The following USP25 variants were observed in gnomAD, a reference collection of about 807,000 sequenced individuals.
The protein encoded by USP25 is ubiquitin carboxyl-terminal hydrolase 25.
A neutral mutation model predicts 158.5 loss-of-function variants in USP25; 85 were observed. That is an observed-to-expected ratio of 0.54 (90% CI 0.45 to 0.64). The LOEUF (loss-of-function observed/expected upper bound fraction) is 0.64, where lower values mean the gene tolerates loss of function less well. Among genes scored for constraint, USP25 ranks in the 30% least tolerant of loss-of-function variants. The pLI is 0.00. For missense variants in USP25, 1,242 were observed against 1,327.3 expected (o/e 0.94, Z 1.00); for synonymous variants, 464 against 460.4 (o/e 1.01, Z -0.10).
intron 3 of USP25, among the ~76,000 whole-genome samples, chr21:15,775,235 T>G (rs2034571730): frequency 6.6e-6 from 1 of 152,228 alleles, no homozygotes; most frequent in African/African-American, 2.4e-5. Context: ...AAGCTGTAAG[T>G]GTAAGTTGTT....
chr21:15,739,669 C>G (rs761372881), intron 1 of USP25, among the ~76,000 whole-genome samples: 1 of 152,164 alleles, frequency 6.6e-6, no homozygotes, highest in Non-Finnish European at 1.5e-5. Context: ...ATTTTACTCT[C>G]TAATGTCATA....
intron 5 of USP25, among the ~76,000 whole-genome samples, chr21:15,793,773 C>G (rs1218509101): frequency 6.6e-6 from 1 of 151,462 alleles, no homozygotes; most frequent in African/African-American, 2.4e-5. Context: ...AAAAATTTGG[C>G]TAGAGATCAC....
chr21:15,753,391 G>A (rs2033163728), intron 1 of USP25, among the ~76,000 whole-genome samples: 1 of 152,206 alleles, frequency 6.6e-6, no homozygotes, highest in Admixed American at 6.5e-5. Flanking sequence ...TTGTAAACAG[G>A]CCAGTTACTT....
chr21:15,860,953 CAT>C (rs140631215), intron 20 of USP25, among the ~76,000 whole-genome samples: 8,118 of 145,420 alleles, frequency 0.056, 589 homozygotes, highest in African/African-American at 0.16. Context: ...TTGGTATCTT[CAT>C]ATATATATAT....
chr21:15,737,537 A>G (rs1390563384), intron 1 of USP25, among the ~76,000 whole-genome samples: 1 of 152,036 alleles, frequency 6.6e-6, no homozygotes. Context: ...TCCTCTGTTC[A>G]TCTTCCTGTT....
At chr21:15,866,521 T>C (rs888626864) in intron 22 of USP25, among the ~76,000 whole-genome samples, 177 bp downstream of exon 22, 6 of 152,136 alleles carry the variant, frequency 3.9e-5, no homozygotes, top group Admixed American at 3.9e-4. Context: ...AGGATTAACA[T>C]GATATGATAG....
chr21:15,794,577 C>T (rs576614295), intron 5 of USP25, among the ~76,000 whole-genome samples: 230 of 151,660 alleles, frequency 1.5e-3, no homozygotes, highest in African/African-American at 5.2e-3. Flanking sequence ...TCCTTAGCCC[C>T]TTAGCACCTT....
intron 3 of USP25, among the ~76,000 whole-genome samples, chr21:15,774,283 T>C (rs1323265221): frequency 6.6e-6 from 1 of 152,198 alleles, no homozygotes; most frequent in Non-Finnish European, 1.5e-5. Flanking sequence ...TTGAAAAGAT[T>C]TCTTTTTAAA....
At chr21:15,813,766 T>A (rs1305501153) in intron 9 of USP25, among the ~76,000 whole-genome samples, 1 of 151,234 alleles carries the variant, frequency 6.6e-6, no homozygotes, top group Non-Finnish European at 1.5e-5. Flanking sequence ...AGAGAGGAGT[T>A]AGTTTCAACT....
intron 1 of USP25, among the ~76,000 whole-genome samples, chr21:15,733,131 GCCCCCCCCC>G (rs71185504): frequency 1.2e-4 from 1 of 8,134 alleles, no homozygotes; most frequent in Admixed American, 2.8e-3. Flanking sequence ...ACTCCACGGC[GCCCCCCCCC>G]CCCCCCCCAA....
At chr21:15,808,548 G>T (rs2036504165) in intron 7 of USP25, among the ~76,000 whole-genome samples, 1 of 143,054 alleles carries the variant, frequency 7.0e-6, no homozygotes, top group African/African-American at 2.5e-5. Context: ...GTTTTTGATT[G>T]TGTGTGTGTG....
At chr21:15,751,296 G>A (rs2032996469) in intron 1 of USP25, among the ~76,000 whole-genome samples, 1 of 152,126 alleles carries the variant, frequency 6.6e-6, no homozygotes, top group Non-Finnish European at 1.5e-5. Context: ...ATCGTATCTA[G>A]ATGAATGGAG....
Position 15,816,633 on chromosome 21 carries a change from A to G in USP25, c.932-2065A>G, listed in dbSNP as rs538379710. Among the ~76,000 whole-genome samples, 1 of 152,132 alleles carries G rather than the reference A, an allele frequency of 6.6e-6. No homozygotes were observed. Among genetic ancestry groups the G allele is most frequent in the Non-Finnish European group, 1.5e-5 (1 of 68,016 alleles). ...CTTCTTCCTGTCCCATCCCCTAGGC[A>G]TCTCATTCAGTGCCTTAATTTCCTG... On this transcript the variant is annotated intron_variant, in intron 9 of 25. Transcript: ENST00000400183. This position sits in a 1 kb window ranked among gnomAD's most constrained non-coding sequence, Gnocchi z 4.0.
intron 20 of USP25, 122 bp from the exon 21 acceptor site, chr21:15,864,146 T>C: frequency 1.0e-6 from 1 of 992,172 alleles, no homozygotes; most frequent in East Asian, 2.8e-5. Context: ...TTGTTTGTGA[T>C]ACTTTAAAAG....
intron 20 of USP25, among the ~76,000 whole-genome samples, chr21:15,863,951 C>T (rs1310918039): frequency 6.6e-6 from 1 of 151,300 alleles, no homozygotes; most frequent in Admixed American, 6.6e-5. Flanking sequence ...GCAGGAGATT[C>T]ACTTGAACCT....
chr21:15,771,441 A>G (rs1267173710), intron 3 of USP25, among the ~76,000 whole-genome samples: 2 of 152,126 alleles, frequency 1.3e-5, no homozygotes, highest in Non-Finnish European at 2.9e-5. Flanking sequence ...ACCTGAGCGA[A>G]GTGTGAGCAT....
chr21:15,845,696 T>C (rs2038550688), intron 18 of USP25, among the ~76,000 whole-genome samples: 1 of 152,146 alleles, frequency 6.6e-6, no homozygotes, highest in Admixed American at 6.6e-5. Context: ...AAGATAGAAT[T>C]GTTTTGGATT....
At chr21:15,823,230 A>G (rs1223880277) in intron 10 of USP25, among the ~76,000 whole-genome samples, 11 of 152,060 alleles carry the variant, frequency 7.2e-5, no homozygotes, top group African/African-American at 2.4e-4. Flanking sequence ...TTTACATACA[A>G]TCTTTCTTTC....
chr21:15,786,565 G>A (rs2035287802), intron 4 of USP25, among the ~76,000 whole-genome samples: 1 of 152,026 alleles, frequency 6.6e-6, no homozygotes, highest in Non-Finnish European at 1.5e-5. Flanking sequence ...ACATTACAAA[G>A]TTTAACATCC....
Sources: allele counts gnomAD v4.1 joint callset (sites outside exome capture counted in the v4.1 genomes callset), GRCh38; gene constraint gnomAD v4.1.1; non-coding constraint Gnocchi (gnomAD v3.1); transcripts MANE v1.5; gene names NCBI Gene and HGNC (gene_info 2026-07-23, HGNC 2026-07-21).